Variants in ZPLD1 observed in about 807,000 individuals in gnomAD.
ZPLD1 encodes zona pellucida like domain containing 1.
In ZPLD1, 34 loss-of-function variants were observed where a neutral mutation model predicts 47.2. The observed-to-expected ratio is 0.72, with a 90% CI of 0.55 to 0.96. ZPLD1 has a LOEUF of 0.96. ZPLD1 is among the 40% of genes least tolerant of loss of function. The probability of loss-of-function intolerance (pLI) is 0.00; values close to 1 mark genes in which losing one functional copy is unlikely to be tolerated. For missense variants in ZPLD1, 512 were observed against 505.8 expected, an observed-to-expected ratio of 1.01 and a Z score of -0.12; for synonymous variants, 176 against 186.2, an observed-to-expected ratio of 0.95 and a Z score of 0.45.
At chr3:102,424,303 G>C (rs1706915390) in intron 8 of ZPLD1, among the ~76,000 whole-genome samples, 2 of 151,872 alleles carry the variant, frequency 1.3e-5, no homozygotes, top group Admixed American at 1.3e-4. Flanking sequence ...ATTTCCTCTA[G>C]ATACAAATTT....
intron 3 of ZPLD1, among the ~76,000 whole-genome samples, chr3:102,445,160 T>C (rs1284947582): frequency 6.6e-6 from 1 of 152,198 alleles, no homozygotes; most frequent in East Asian, 1.9e-4. Context: ...GTTTACAGAA[T>C]GAGACAGAGA....
At chr3:102,475,197 T>C (rs756067261) in intron 10 of ZPLD1, among the ~76,000 whole-genome samples, 54 of 152,170 alleles carry the variant, frequency 3.5e-4, no homozygotes, top group Non-Finnish European at 7.3e-4. Flanking sequence ...CGTTCCAGTC[T>C]TATTTGGAAA....
At chr3:102,393,766 G>A (rs1706527987) in intron 7 of ZPLD1, among the ~76,000 whole-genome samples, 1 of 152,090 alleles carries the variant, frequency 6.6e-6, no homozygotes, top group South Asian at 2.1e-4. Flanking sequence ...AATTGCCAGT[G>A]AAATGTGGCA....
intron 7 of ZPLD1, among the ~76,000 whole-genome samples, chr3:102,399,909 C>A (rs1706600410): frequency 6.6e-6 from 1 of 150,736 alleles, no homozygotes. Context: ...ACCTTTACAT[C>A]CCAGGTTCAA....
At chr3:102,452,121 G>A (rs1238941615) in intron 3 of ZPLD1, among the ~76,000 whole-genome samples, 1 of 68,078 alleles carries the variant, frequency 1.5e-5, no homozygotes, top group Admixed American at 1.2e-4. Flanking sequence ...GACCGTGTGT[G>A]TGTGTGTGTG....
chr3:102,402,007 A>G (rs910085664), intron 7 of ZPLD1, among the ~76,000 whole-genome samples: 2 of 151,878 alleles, frequency 1.3e-5, no homozygotes, highest in African/African-American at 4.8e-5. Flanking sequence ...AAGTAAAGGC[A>G]TTTTTTTCCC....
chr3:102,407,520 T>G (rs1194442145), intron 7 of ZPLD1, among the ~76,000 whole-genome samples: 2 of 148,148 alleles, frequency 1.3e-5, no homozygotes, highest in African/African-American at 4.9e-5. Context: ...TTCTCTGCTT[T>G]AAATTAAATC....
At chr3:102,415,958 A>C (rs1417507877) in intron 7 of ZPLD1, among the ~76,000 whole-genome samples, 3 of 151,874 alleles carry the variant, frequency 2.0e-5, no homozygotes, top group Non-Finnish European at 4.4e-5. Flanking sequence ...TGCACAGGAT[A>C]ACTCCTCAGC....
intron 5 of ZPLD1, 98 bp from the exon 6 acceptor site, chr3:102,457,683 G>A (rs1427785045): frequency 1.9e-6 from 2 of 1,049,748 alleles, no homozygotes; most frequent in African/African-American, 1.6e-5. Flanking sequence ...CAGTATGTCA[G>A]AATTATTCAG....
chr3:102,438,659 C>A, intron 3 of ZPLD1, 66 bp downstream of exon 3: 3 of 1,228,816 alleles, frequency 2.4e-6, no homozygotes, highest in South Asian at 1.3e-5. Context: ...AAGAGCAAGT[C>A]ATTTAAATAT....
intron 7 of ZPLD1, among the ~76,000 whole-genome samples, chr3:102,401,953 T>C (rs1473544942): frequency 6.6e-6 from 1 of 152,088 alleles, no homozygotes; most frequent in African/African-American, 2.4e-5. Flanking sequence ...TTCACCAAAG[T>C]TAAACTTAGC....
At chr3:102,393,313 A>G (rs1706521290) in intron 7 of ZPLD1, among the ~76,000 whole-genome samples, 1 of 152,176 alleles carries the variant, frequency 6.6e-6, no homozygotes, top group Admixed American at 6.6e-5. Context: ...TCATTGTACC[A>G]GTGAAATCAC....
exon 6 of ZPLD1, chr3:102,385,193 C>T (rs564583306): frequency 9.5e-4 from 145 of 152,300 alleles, no homozygotes; most frequent in African/African-American, 3.2e-3. Context: ...TTCTAAAAGT[C>T]TCCACATTTG....
intron 6 of ZPLD1, among the ~76,000 whole-genome samples, chr3:102,388,741 T>C (rs1205011043): frequency 1.3e-4 from 20 of 152,172 alleles, no homozygotes; most frequent in Non-Finnish European, 2.9e-5. Context: ...AGGTTTATTT[T>C]AGAGCAATTG....
At chr3:102,394,929 GGA>G (rs1706539916) in intron 7 of ZPLD1, among the ~76,000 whole-genome samples, 1 of 152,086 alleles carries the variant, frequency 6.6e-6, no homozygotes, top group Non-Finnish European at 1.5e-5. Context: ...GCAATTAAAA[GGA>G]AGGAAAAAGG....
intron 3 of ZPLD1, among the ~76,000 whole-genome samples, chr3:102,447,636 G>A (rs1032029559): frequency 2.6e-5 from 4 of 152,232 alleles, no homozygotes; most frequent in South Asian, 2.1e-4. Context: ...GGGAAATGAA[G>A]GCTCCAACAG....
At chr3:102,387,585 A>G (rs1267733633) in intron 6 of ZPLD1, among the ~76,000 whole-genome samples, 3 of 152,094 alleles carry the variant, frequency 2.0e-5, no homozygotes, top group Non-Finnish European at 2.9e-5. Context: ...ACTTCCTTCT[A>G]GGTTAAGAAT....
chr3:102,392,511 T>TCTTCCTTC (rs201506485), intron 7 of ZPLD1, among the ~76,000 whole-genome samples: 1 of 150,636 alleles, frequency 6.6e-6, no homozygotes, highest in African/African-American at 2.5e-5. Context: ...TTCCTTTCTT[T>TCTTCCTTC]CTTCCTTCCT....
intron 7 of ZPLD1, among the ~76,000 whole-genome samples, chr3:102,463,599 A>G (rs1022111008): frequency 2.0e-5 from 3 of 152,186 alleles, no homozygotes; most frequent in African/African-American, 7.2e-5. Flanking sequence ...TTGTATGGGT[A>G]CATAGTAGGT....
Sources: allele counts gnomAD v4.1 joint callset (sites outside exome capture counted in the v4.1 genomes callset), GRCh38; gene constraint gnomAD v4.1.1; transcripts MANE v1.5; gene names NCBI Gene and HGNC (gene_info 2026-07-23, HGNC 2026-07-21).